Variants in LRFN5 observed in about 807,000 individuals in gnomAD.
The protein encoded by LRFN5 is leucine-rich repeat and fibronectin type-III domain-containing protein 5.
Under a neutral mutation model 45.6 loss-of-function variants are expected in LRFN5, and 24 were observed. That is an observed-to-expected ratio of 0.53 (90% CI 0.38 to 0.74). The LOEUF is 0.74. Ranked by LOEUF, LRFN5 falls within the 30% of genes least tolerant of loss-of-function variation. LRFN5 has a pLI of 0.00. For synonymous variants in LRFN5, 340 were observed against 313.8 expected (o/e 1.08, Z -0.88); for missense variants, 776 against 861.5 (o/e 0.90, Z 1.24).
chr14:41,882,257 A>G (rs184273119), intron 2 of LRFN5, among the ~76,000 whole-genome samples: 9 of 151,632 alleles, frequency 5.9e-5, no homozygotes, highest in Non-Finnish European at 1.0e-4. Flanking sequence ...GGCTGCACCT[A>G]CCCCACAGTC....
chr14:41,830,282 C>T (rs1888435597), intron 2 of LRFN5, among the ~76,000 whole-genome samples: 1 of 151,722 alleles, frequency 6.6e-6, no homozygotes, highest in Non-Finnish European at 1.5e-5. Flanking sequence ...CTCTTTCTGG[C>T]TTATTTCATG....
chr14:41,643,733 T>A (rs1879689328), intron 1 of LRFN5, among the ~76,000 whole-genome samples: 1 of 150,624 alleles, frequency 6.6e-6, no homozygotes, highest in African/African-American at 2.5e-5. Flanking sequence ...ACACACACAC[T>A]GACTGTTTAA....
intron 2 of LRFN5, among the ~76,000 whole-genome samples, chr14:41,786,224 T>G (rs941537698): frequency 3.3e-5 from 5 of 152,168 alleles, no homozygotes; most frequent in African/African-American, 1.2e-4. Context: ...CCACAAGATA[T>G]TTATCATTTG....
At chr14:41,883,253 T>G (rs1205617628) in intron 2 of LRFN5, among the ~76,000 whole-genome samples, 3 of 152,174 alleles carry the variant, frequency 2.0e-5, no homozygotes, top group Non-Finnish European at 4.4e-5. Flanking sequence ...AAAATATGAT[T>G]TATAGCTTAT....
rs548520294 is a variant in LRFN5 at position 41,812,814 on chromosome 14, A to G, written c.-21+45785A>G. On this transcript the variant is annotated intron_variant, in intron 2 of 5. Coordinates refer to ENST00000298119, the MANE Select transcript of LRFN5 (RefSeq NM_152447.5). The stretch of plus-strand genomic sequence containing the variant: ...GCAATATTTTATTTAGTATAGACCA[A>G]AATTATTTCAGGAGAGAACAAGGCA... Among the ~76,000 whole-genome samples, 5 of 152,226 alleles carry G rather than the reference A, an allele frequency of 3.3e-5. 1 individual carries two copies. The highest frequency in any genetic ancestry group is 1.2e-4 in the African/African-American group (5 of 41,552).
At chr14:41,803,066 C>T (rs1339897147) in intron 2 of LRFN5, among the ~76,000 whole-genome samples, 1 of 151,926 alleles carries the variant, frequency 6.6e-6, no homozygotes, top group Non-Finnish European at 1.5e-5. Flanking sequence ...CTATACCTCC[C>T]AAAACAAACA....
chr14:41,655,512 C>T (rs181548478), intron 1 of LRFN5, among the ~76,000 whole-genome samples: 63 of 152,016 alleles, frequency 4.1e-4, no homozygotes, highest in Non-Finnish European at 6.8e-4. Context: ...TCATGGAGGG[C>T]CTTTTGGAAC....
chr14:41,619,526 G>A (rs903631785), intron 1 of LRFN5, among the ~76,000 whole-genome samples: 1 of 151,880 alleles, frequency 6.6e-6, no homozygotes, highest in African/African-American at 2.4e-5. Flanking sequence ...AAGGTATTTT[G>A]TAATTGGGTT....
At chr14:41,671,256 G>A (rs920862730) in intron 1 of LRFN5, among the ~76,000 whole-genome samples, 2 of 151,992 alleles carry the variant, frequency 1.3e-5, no homozygotes, top group Non-Finnish European at 1.5e-5. Flanking sequence ...TGAGAATATG[G>A]ACTTATCTTC....
chr14:41,851,984 G>GAA lies in LRFN5; in HGVS notation c.-20-34614_-20-34613dup, dbSNP rs150717593. Among the ~76,000 whole-genome samples, 1,493 of 150,088 alleles carry GAA rather than the reference G, an allele frequency of 9.9e-3. 21 individuals are homozygous for GAA. Among genetic ancestry groups the GAA allele is most frequent in the African/African-American group, 0.034 (1,394 of 41,046 alleles). ...GTAATCCTTGCTCTAAAGTAATGCAGAAAAAAAAAGAGAATCTTTGTGGAA... is the reference window on the plus strand; with the variant it reads ...GTAATCCTTGCTCTAAAGTAATGCAGAAAAAAAAAAAGAGAATCTTTGTGGAA... On this transcript the variant is annotated intron_variant, in intron 2 of 5. Transcript: ENST00000298119.
chr14:41,838,525 G>C (rs1221199806), intron 2 of LRFN5, among the ~76,000 whole-genome samples: 4 of 152,140 alleles, frequency 2.6e-5, no homozygotes, highest in African/African-American at 9.7e-5. Flanking sequence ...GCAGACATAA[G>C]AAGAGTAGGA....
At chr14:41,667,316 T>C (rs1022232956) in intron 1 of LRFN5, among the ~76,000 whole-genome samples, 5 of 152,182 alleles carry the variant, frequency 3.3e-5, no homozygotes, top group African/African-American at 4.8e-5. Flanking sequence ...TGATAAAACC[T>C]GAATTAAATC....
At chr14:41,882,543 C>T (rs945183535) in intron 2 of LRFN5, among the ~76,000 whole-genome samples, 6 of 151,980 alleles carry the variant, frequency 3.9e-5, no homozygotes, top group African/African-American at 1.2e-4. Flanking sequence ...ATTTTTTTCT[C>T]GTCTGAAAAT....
intron 2 of LRFN5, among the ~76,000 whole-genome samples, chr14:41,827,519 C>T (rs963699673): frequency 5.3e-5 from 8 of 151,474 alleles, no homozygotes; most frequent in African/African-American, 9.7e-5. Flanking sequence ...GAAAAATAAT[C>T]GAGGCAAAAT....
intron 2 of LRFN5, among the ~76,000 whole-genome samples, chr14:41,865,572 G>T (rs1889812122): frequency 6.6e-6 from 1 of 151,816 alleles, no homozygotes; most frequent in African/African-American, 2.4e-5. Context: ...TCATTTCTCT[G>T]GTGTGTAATT....
intron 2 of LRFN5, among the ~76,000 whole-genome samples, chr14:41,834,557 G>A (rs1267726948): frequency 6.6e-6 from 1 of 151,982 alleles, no homozygotes; most frequent in Non-Finnish European, 1.5e-5. Flanking sequence ...CTTAACATTC[G>A]ATAAAGTACA....
At chr14:41,856,948 G>T in intron 2 of LRFN5, among the ~76,000 whole-genome samples, 1 of 151,510 alleles carries the variant, frequency 6.6e-6, no homozygotes, top group Non-Finnish European at 1.5e-5. Context: ...ACAGGCGTGA[G>T]CCACCGCGTC....
At chr14:41,883,601 G>C (rs1890463023) in intron 2 of LRFN5, among the ~76,000 whole-genome samples, 1 of 152,060 alleles carries the variant, frequency 6.6e-6, no homozygotes, top group Admixed American at 6.5e-5. Context: ...TTTCTTCATG[G>C]AGCACTTTAA....
chr14:41,851,026 G>A (rs1346270591), intron 2 of LRFN5, among the ~76,000 whole-genome samples: 4 of 151,712 alleles, frequency 2.6e-5, no homozygotes, highest in African/African-American at 7.3e-5. Context: ...TGAAATGTGT[G>A]TAACATAGTA....
Sources: gnomAD v4.1 joint callset for allele counts (sites outside exome capture counted in the v4.1 genomes callset) on GRCh38, gnomAD v4.1.1 for gene constraint, MANE v1.5 for transcripts, NCBI Gene and HGNC (gene_info 2026-07-23, HGNC 2026-07-21) for gene names.